The following BNIP3L variants were observed in gnomAD, a reference collection of about 807,000 sequenced individuals.
BNIP3L encodes the protein BCL2/adenovirus E1B 19 kDa protein-interacting protein 3-like.
BNIP3L carries 10 observed loss-of-function variants against 25.5 expected under a neutral mutation model. The observed-to-expected ratio is 0.39, with a 90% CI of 0.24 to 0.67. The LOEUF (loss-of-function observed/expected upper bound fraction) is 0.67. Ranked by LOEUF, BNIP3L falls within the 30% of genes least tolerant of loss-of-function variation. The pLI is 0.45. For synonymous variants in BNIP3L, 113 were observed against 101.2 expected, an observed-to-expected ratio of 1.12 and a Z score of -0.70; for missense variants, 215 against 270.9, an observed-to-expected ratio of 0.79 and a Z score of 1.45.
intron 3 of BNIP3L, among the ~76,000 whole-genome samples, chr8:26,405,409 A>C (rs1806476847): frequency 6.6e-6 from 1 of 152,216 alleles, no homozygotes. Context: ...CTCAATAGCC[A>C]ATGGAAGGAG....
chr8:26,397,707 T>A (rs1388324481), intron 3 of BNIP3L, among the ~76,000 whole-genome samples: 1 of 69,936 alleles, frequency 1.4e-5, no homozygotes. Context: ...GACCCATCAG[T>A]GTGCTGTATT....
intron 1 of BNIP3L, chr8:26,383,497 G>A (rs879342216): frequency 8.6e-7 from 1 of 1,165,536 alleles, no homozygotes; most frequent in Non-Finnish European, 1.1e-6. Flanking sequence ...GATCCCCCTG[G>A]TGCGGGGGGT....
At chr8:26,398,039 C>A in intron 3 of BNIP3L, among the ~76,000 whole-genome samples, 1 of 51,382 alleles carries the variant, frequency 1.9e-5, no homozygotes. Context: ...CTTTAACACC[C>A]CACTGTCAAT....
intron 3 of BNIP3L, among the ~76,000 whole-genome samples, chr8:26,400,726 AC>A (rs1158902213): frequency 3.1e-5 from 2 of 64,538 alleles, no homozygotes; most frequent in Non-Finnish European, 6.2e-5. Context: ...CAAGAAAAAA[AC>A]AAACAACCCC....
chr8:26,408,137 A>T, intron 4 of BNIP3L, 34 bp downstream of exon 4: 1 of 1,612,700 alleles, frequency 6.2e-7, no homozygotes, highest in Non-Finnish European at 8.5e-7. Flanking sequence ...CAGTGGACAC[A>T]GTTGATCTGC....
At chr8:26,391,174 T>A in intron 1 of BNIP3L, 69 bp from the exon 2 acceptor site, 1 of 1,332,912 alleles carries the variant, frequency 7.5e-7, no homozygotes, top group Non-Finnish European at 1.0e-6. Context: ...GGATTCACCA[T>A]GTTCACATCT....
intron 2 of BNIP3L, 148 bp downstream of exon 2, chr8:26,391,574 A>G (rs972107670): frequency 6.6e-6 from 4 of 601,772 alleles, no homozygotes; most frequent in Non-Finnish European, 7.5e-6. Context: ...GCACAGATAT[A>G]TATTGTGTTT....
At position 26,408,123 on chromosome 8, in the gene BNIP3L, T is replaced by A; in HGVS notation, c.461+20T>A. On this transcript the variant is annotated intron_variant, in intron 4 of 5. Transcript: ENST00000380629. ...ACCCAAGTGAGTTCTCACATGTTTC[T>A]TGTCAGTGGACACAGTTGATCTGCG... 2 of 1,613,224 alleles carry A rather than the reference T, an allele frequency of 1.2e-6. No homozygotes were observed. The highest frequency in any genetic ancestry group is 1.7e-6 in the Non-Finnish European group (2 of 1,179,112).
chr8:26,383,519 G>A, intron 1 of BNIP3L: 4 of 647,438 alleles, frequency 6.2e-6, no homozygotes, highest in Non-Finnish European at 7.9e-6. Flanking sequence ...GTCCCCAGCA[G>A]CGGAGCCGGG....
intron 3 of BNIP3L, among the ~76,000 whole-genome samples, chr8:26,404,664 C>T (rs537132816): frequency 2.0e-4 from 30 of 152,266 alleles, no homozygotes; most frequent in Non-Finnish European, 3.1e-4. Context: ...TGCACCACAA[C>T]GCCTGGCTAA....
At chr8:26,394,842 T>C (rs757480102) in intron 2 of BNIP3L, among the ~76,000 whole-genome samples, 3 of 152,344 alleles carry the variant, frequency 2.0e-5, no homozygotes, top group Non-Finnish European at 4.4e-5. Context: ...GAACTACTGG[T>C]GAATTATTTA....
intron 5 of BNIP3L, among the ~76,000 whole-genome samples, chr8:26,408,847 G>A (rs1806554897): frequency 6.8e-6 from 1 of 147,798 alleles, no homozygotes. Flanking sequence ...ACTCCAGCCT[G>A]GGGGATAGAG....
chr8:26,394,035 A>G (rs998930554), intron 2 of BNIP3L, among the ~76,000 whole-genome samples: 3 of 152,184 alleles, frequency 2.0e-5, no homozygotes, highest in Non-Finnish European at 2.9e-5. Flanking sequence ...GTTAATATCT[A>G]TTCTTTTCAG....
At chr8:26,395,465 C>G (rs1806212323) in intron 3 of BNIP3L, among the ~76,000 whole-genome samples, 163 bp downstream of exon 3, 1 of 152,190 alleles carries the variant, frequency 6.6e-6, no homozygotes, top group Non-Finnish European at 1.5e-5. Context: ...TCTTGTCGCA[C>G]TCCTTTACAA....
chr8:26,403,531 CTTTTTTTTT>C (rs74738100), intron 3 of BNIP3L, among the ~76,000 whole-genome samples: 40 of 124,256 alleles, frequency 3.2e-4, no homozygotes, highest in Admixed American at 1.4e-3. Context: ...TACTCAGTTT[CTTTTTTTTT>C]TTTTTTGGAG....
chr8:26,402,133 C>T (rs1395583825), intron 3 of BNIP3L, among the ~76,000 whole-genome samples: 1 of 152,186 alleles, frequency 6.6e-6, no homozygotes, highest in Admixed American at 6.5e-5. Context: ...TTTCCAAAGG[C>T]CACAGAATTC....
chr8:26,395,338 TAAGAA>T (rs1245685893), intron 3 of BNIP3L, 36 bp downstream of exon 3: 2 of 1,580,754 alleles, frequency 1.3e-6, no homozygotes, highest in Non-Finnish European at 1.7e-6. Flanking sequence ...AGTAAACAAT[TAAGAA>T]AGATGTAAAT....
chr8:26,388,865 C>T (rs1366296972), intron 1 of BNIP3L, among the ~76,000 whole-genome samples: 1 of 151,724 alleles, frequency 6.6e-6, no homozygotes, highest in Non-Finnish European at 1.5e-5. Context: ...GGCATGTGCC[C>T]TGTAGTCCCA....
At chr8:26,408,527 T>G in intron 5 of BNIP3L, 151 bp downstream of exon 5, 1 of 925,124 alleles carries the variant, frequency 1.1e-6, no homozygotes. Flanking sequence ...TGCACAATTG[T>G]TCTACAAATA....
Sources: gnomAD v4.1 joint callset for allele counts (sites outside exome capture counted in the v4.1 genomes callset) on GRCh38, gnomAD v4.1.1 for gene constraint, MANE v1.5 for transcripts, NCBI Gene and HGNC (gene_info 2026-07-23, HGNC 2026-07-21) for gene names.